Variants in SPATA9 observed in about 807,000 individuals in gnomAD.
SPATA9 encodes the protein spermatogenesis associated 9.
Under a neutral mutation model 25.5 loss-of-function variants are expected in SPATA9, and 27 were observed. That is an observed-to-expected ratio of 1.06 (90% CI 0.78 to 1.46). SPATA9 has a LOEUF of 1.46. Among genes scored for constraint, SPATA9 ranks in the 40% most tolerant of loss-of-function variants. The probability of loss-of-function intolerance (pLI) is 0.00; values close to 1 mark genes in which losing one functional copy is unlikely to be tolerated. For missense variants in SPATA9, 282 were observed against 297.5 expected (o/e 0.95, Z 0.38); for synonymous variants, 102 against 105.7 (o/e 0.97, Z 0.21).
intron 3 of SPATA9, 56 bp from the exon 4 acceptor site, chr5:95,664,104 C>T: frequency 9.8e-7 from 1 of 1,017,164 alleles, no homozygotes; most frequent in Non-Finnish European, 1.4e-6. Flanking sequence ...GTTTCAATGT[C>T]ATATTGTACA....
At position 95,671,932 on chromosome 5, in the gene SPATA9, C is replaced by A. The variant is rs867516620; in HGVS notation, c.378+3480G>T. Among the ~76,000 whole-genome samples, 88 of 136,194 alleles carry A rather than the reference C, an allele frequency of 6.5e-4. 3 individuals carry two copies. Among genetic ancestry groups the A allele is most frequent in the East Asian group, 1.9e-3 (9 of 4,742 alleles). The allele number at this position is 136,194 out of a possible 152,430, so 89.3% of individuals were successfully genotyped here. On this transcript the variant is annotated intron_variant, in intron 3 of 4. Coordinates refer to ENST00000274432, the MANE Select transcript of SPATA9 (RefSeq NM_031952.4). The stretch of plus-strand genomic sequence containing the variant: ...TATAATTAAAAAAAGTAAAAAAAAA[C>A]CAGAAATGCTATAAAAATGAAGTTC...
downstream of SPATA9, chr5:95,654,023 A>G (rs1396731202): frequency 3.2e-6 from 5 of 1,578,104 alleles, no homozygotes. Context: ...CAAATTAGTG[A>G]ATACTTCTTG....
At chr5:95,665,359 T>C (rs1451696917) in intron 3 of SPATA9, among the ~76,000 whole-genome samples, 2 of 152,106 alleles carry the variant, frequency 1.3e-5, no homozygotes, top group Non-Finnish European at 2.9e-5. Context: ...TCACCATCCT[T>C]CCCTTTTCCC....
intron 2 of SPATA9, among the ~76,000 whole-genome samples, chr5:95,676,360 G>A (rs1303693091): frequency 6.6e-6 from 1 of 152,124 alleles, no homozygotes; most frequent in Admixed American, 6.5e-5. Context: ...CATCACCCGA[G>A]CAGTGTACAC....
exon 9 of SPATA9, chr5:95,653,118 A>G (rs1215216297): frequency 1.9e-6 from 3 of 1,551,496 alleles, no homozygotes; most frequent in East Asian, 4.9e-5. Context: ...TTCTTTCAGT[A>G]TGGAATTCTC....
upstream of SPATA9, among the ~76,000 whole-genome samples, chr5:95,685,946 C>T (rs1205242840): frequency 6.6e-6 from 1 of 152,188 alleles, no homozygotes; most frequent in East Asian, 1.9e-4. Flanking sequence ...AAGCGATTCT[C>T]CTGCCTCAGC....
chr5:95,726,873 C>G, the SPATA9 span, among the ~76,000 whole-genome samples: 2 of 152,246 alleles, frequency 1.3e-5, no homozygotes, highest in South Asian at 4.1e-4. Flanking sequence ...ATGCCCCCAA[C>G]ACTCCTTGTA....
chr5:95,704,987 C>T, the SPATA9 span, among the ~76,000 whole-genome samples: 1 of 151,778 alleles, frequency 6.6e-6, no homozygotes, highest in African/African-American at 2.4e-5. Flanking sequence ...CTCTGTCACC[C>T]AGGCTGGAGT....
chr5:95,696,798 A>G (rs1452263889), intron 1 of SPATA9, among the ~76,000 whole-genome samples: 1 of 152,164 alleles, frequency 6.6e-6, no homozygotes, highest in Non-Finnish European at 1.5e-5. Context: ...GCAGTGAACT[A>G]AGAGCTAGGA....
chr5:95,689,063 A>T (rs531285281), intron 1 of SPATA9, among the ~76,000 whole-genome samples: 3 of 152,302 alleles, frequency 2.0e-5, no homozygotes, highest in Non-Finnish European at 4.4e-5. Context: ...AACATTATAG[A>T]AAGAAAACTT....
the SPATA9 span, chr5:95,708,676 A>C: frequency 1.4e-6 from 1 of 696,370 alleles, no homozygotes; most frequent in Admixed American, 2.0e-5. Flanking sequence ...AGAGTGTCCA[A>C]ATCCTGCTGC....
chr5:95,670,311 A>G (rs1580313030), intron 3 of SPATA9: 1 of 152,164 alleles, frequency 6.6e-6, no homozygotes, highest in Non-Finnish European at 1.5e-5. Context: ...TTTGTGTCCT[A>G]ATGAAAATGT....
intron 3 of SPATA9, chr5:95,670,895 T>A: frequency 1.0e-6 from 1 of 985,406 alleles, no homozygotes. Context: ...GCCTTTGAGA[T>A]TTGAGAGACG....
At chr5:95,654,137 AT>A (rs780233697), downstream of SPATA9, 19 of 1,612,316 alleles carry the variant, frequency 1.2e-5, no homozygotes, top group Admixed American at 1.7e-5. Flanking sequence ...AGAAGATGAC[AT>A]TAAAAAATCT....
At chr5:95,730,752 C>A in the SPATA9 span, 5 of 361,660 alleles carry the variant, frequency 1.4e-5, no homozygotes, top group African/African-American at 1.1e-4. Flanking sequence ...AATAATCCCC[C>A]CAAGGCGACA....
chr5:95,657,903 T>C (rs879301948), downstream of SPATA9: 1 of 151,646 alleles, frequency 6.6e-6, no homozygotes, highest in Non-Finnish European at 1.5e-5. Context: ...GAATATAAAG[T>C]GTACAGAAGA....
intron 1 of SPATA9, among the ~76,000 whole-genome samples, chr5:95,689,475 A>C (rs2112703299): frequency 6.6e-6 from 1 of 152,320 alleles, no homozygotes; most frequent in Non-Finnish European, 1.5e-5. Context: ...CTGTATATCA[A>C]ATTGGTTATA....
intron 3 of SPATA9, chr5:95,670,821 C>T (rs189572178): frequency 3.3e-4 from 329 of 984,384 alleles, no homozygotes; most frequent in Admixed American, 4.3e-4. Context: ...TCATACATTC[C>T]GGTTGCACCT....
At chr5:95,695,817 C>T (rs887703025) in intron 1 of SPATA9, among the ~76,000 whole-genome samples, 2 of 152,132 alleles carry the variant, frequency 1.3e-5, no homozygotes, top group Non-Finnish European at 2.9e-5. Context: ...AATCCACTTC[C>T]CTTGAGTGTG....
Sources: allele counts gnomAD v4.1 joint callset (sites outside exome capture counted in the v4.1 genomes callset), GRCh38; gene constraint gnomAD v4.1.1; transcripts MANE v1.5; gene names NCBI Gene and HGNC (gene_info 2026-07-23, HGNC 2026-07-21).